The following STXBP5L variants were observed in gnomAD, a reference collection of about 807,000 sequenced individuals.
STXBP5L encodes syntaxin binding protein 5L.
Under a neutral mutation model 144.5 loss-of-function variants are expected in STXBP5L, and 65 were observed. The ratio of observed to expected loss-of-function variants is 0.45; its 90% CI spans 0.37 to 0.55. STXBP5L has a LOEUF of 0.55. Among genes scored for constraint, STXBP5L ranks in the 20% least tolerant of loss-of-function variants. STXBP5L has a pLI of 0.00. For synonymous variants in STXBP5L, 505 were observed against 469.6 expected (o/e 1.08, Z -0.97); for missense variants, 1,298 against 1,405.5 (o/e 0.92, Z 1.22).
intron 5 of STXBP5L, among the ~76,000 whole-genome samples, chr3:121,081,395 C>G (rs772846494): frequency 6.6e-6 from 1 of 152,040 alleles, no homozygotes; most frequent in East Asian, 1.9e-4. Context: ...TCTTAAGGAT[C>G]AAACTTTAAT....
At chr3:121,062,053 G>T (rs545412884) in intron 5 of STXBP5L, among the ~76,000 whole-genome samples, 1 of 152,096 alleles carries the variant, frequency 6.6e-6, no homozygotes, top group African/African-American at 2.4e-5. Flanking sequence ...TAGTTTCTTC[G>T]TAGAGTCGAT....
chr3:120,982,467 T>G (rs1941876450), intron 3 of STXBP5L, among the ~76,000 whole-genome samples: 1 of 152,142 alleles, frequency 6.6e-6, no homozygotes, highest in Non-Finnish European at 1.5e-5. Flanking sequence ...CCTAGGCAGG[T>G]GGGAATGCAA....
At chr3:121,020,507 A>G (rs1945470443) in intron 3 of STXBP5L, among the ~76,000 whole-genome samples, 1 of 152,216 alleles carries the variant, frequency 6.6e-6, no homozygotes, top group Admixed American at 6.5e-5. Context: ...AAGAGCTGTG[A>G]GGCAAAAGCA....
chr3:121,053,290 C>A (rs915066174), intron 5 of STXBP5L, among the ~76,000 whole-genome samples: 3 of 152,160 alleles, frequency 2.0e-5, no homozygotes, highest in African/African-American at 7.2e-5. Flanking sequence ...CCAAGTCAAT[C>A]CTAAGCCAAA....
At chr3:121,023,714 A>T (rs976286865) in intron 3 of STXBP5L, among the ~76,000 whole-genome samples, 1 of 152,218 alleles carries the variant, frequency 6.6e-6, no homozygotes, top group Non-Finnish European at 1.5e-5. Context: ...CTCTCACTTT[A>T]TACAAAAATC....
chr3:121,259,566 T>G (rs2050320306), intron 18 of STXBP5L, among the ~76,000 whole-genome samples: 1 of 152,102 alleles, frequency 6.6e-6, no homozygotes, highest in Non-Finnish European at 1.5e-5. Flanking sequence ...TTTCAGCTAT[T>G]TTATTTTTCA....
intron 21 of STXBP5L, 114 bp from the exon 22 acceptor site, chr3:121,381,178 AC>A: frequency 9.4e-7 from 1 of 1,068,906 alleles, no homozygotes; most frequent in African/African-American, 1.6e-5. Flanking sequence ...AGGTCAATTA[AC>A]AAACAATGAA....
intron 20 of STXBP5L, among the ~76,000 whole-genome samples, chr3:121,335,799 C>G (rs1464069178): frequency 6.6e-6 from 1 of 152,048 alleles, no homozygotes; most frequent in Admixed American, 6.6e-5. Flanking sequence ...AATGTAAAAC[C>G]CAAAACTATA....
At chr3:121,018,670 T>C (rs1174615249) in intron 3 of STXBP5L, among the ~76,000 whole-genome samples, 1 of 152,172 alleles carries the variant, frequency 6.6e-6, no homozygotes, top group Non-Finnish European at 1.5e-5. Context: ...ATGTGGCTTT[T>C]GTAATAGCTT....
In STXBP5L at chr3:121,368,623, A is replaced by T. The variant is rs1451139578; in HGVS notation, c.2177-10093A>T. ...GGAAATCATATTTGCTCCATTTTCT[A>T]GGGTTTATTTTGTTGCTGTTATTGC... On this transcript the variant is annotated intron_variant, in intron 20 of 26. Transcript: ENST00000471454. Among the ~76,000 whole-genome samples the T allele has an allele frequency of 2.0e-5, 3 of 151,644 alleles. 1 individual carries two copies. Among genetic ancestry groups the T allele is most frequent in the Non-Finnish European group, 4.4e-5 (3 of 67,926 alleles).
At chr3:121,346,571 G>C (rs777482378) in intron 20 of STXBP5L, among the ~76,000 whole-genome samples, 4 of 152,138 alleles carry the variant, frequency 2.6e-5, no homozygotes, top group African/African-American at 9.7e-5. Context: ...CCCACCAACA[G>C]TGTAAAAGTG....
At chr3:121,311,871 G>A (rs1355611365) in intron 19 of STXBP5L, among the ~76,000 whole-genome samples, 1 of 152,168 alleles carries the variant, frequency 6.6e-6, no homozygotes, top group Non-Finnish European at 1.5e-5. Flanking sequence ...CCAAAAAAGA[G>A]CCCGCATCAC....
At chr3:120,989,471 T>C (rs769741384) in intron 3 of STXBP5L, among the ~76,000 whole-genome samples, 8 of 152,186 alleles carry the variant, frequency 5.3e-5, no homozygotes, top group African/African-American at 9.6e-5. Context: ...GCCCACTCTT[T>C]AATGGGTTTG....
intron 3 of STXBP5L, among the ~76,000 whole-genome samples, chr3:121,034,218 T>A (rs946754392): frequency 6.6e-6 from 1 of 152,100 alleles, no homozygotes; most frequent in Admixed American, 6.6e-5. Flanking sequence ...GAATTCTGAG[T>A]TCTTAGTGTA....
intron 9 of STXBP5L, among the ~76,000 whole-genome samples, chr3:121,188,018 G>A (rs909276601): frequency 6.6e-6 from 1 of 152,152 alleles, no homozygotes. Flanking sequence ...GAATGCAGGA[G>A]CACCCGGATT....
chr3:121,330,482 C>A (rs1217871989), intron 20 of STXBP5L, among the ~76,000 whole-genome samples: 7 of 152,198 alleles, frequency 4.6e-5, no homozygotes, highest in African/African-American at 1.4e-4. Flanking sequence ...CCTCTACCCA[C>A]CCTAATGGCT....
In STXBP5L at chr3:121,254,994, C is replaced by T. The variant is rs1406021553; in HGVS notation, c.1541C>T (p.Pro514Leu). The T allele has an allele frequency of 6.2e-7, 1 of 1,613,518 alleles. No individual in the cohort carries two copies. Among genetic ancestry groups the T allele is most frequent in the East Asian group, 2.2e-5 (1 of 44,770 alleles). Residue 514 changes from proline (P) to leucine (L), a missense_variant, in exon 16 of 27, where the codon CCA becomes CTA. Transcript: ENST00000471454. ...ACATGTGAAATTGTAGAGGAAGACC[C>T]ATTTGCCATTCAGATGATTTACTGG... Reference protein sequence around the residue: ...KQTCEIVEEDPFAIQMIYWCP... With the variant: ...KQTCEIVEEDLFAIQMIYWCP...
chr3:121,245,987 C>T (rs1022527350), intron 14 of STXBP5L, among the ~76,000 whole-genome samples: 1 of 152,148 alleles, frequency 6.6e-6, no homozygotes, highest in Non-Finnish European at 1.5e-5. Context: ...GAAAAATATT[C>T]TCCTTAAGCA....
chr3:121,064,409 T>A (rs576893227), intron 5 of STXBP5L, among the ~76,000 whole-genome samples: 1 of 152,346 alleles, frequency 6.6e-6, no homozygotes, highest in South Asian at 2.1e-4. Context: ...CCGGAGCTGT[T>A]CCTATTTGGC....
Sources: gnomAD v4.1 joint callset for allele counts (sites outside exome capture counted in the v4.1 genomes callset) on GRCh38, gnomAD v4.1.1 for gene constraint, MANE v1.5 for transcripts, NCBI Gene and HGNC (gene_info 2026-07-23, HGNC 2026-07-21) for gene names.